OSBPL1A: variants seen among roughly 807,000 people sequenced by gnomAD.
The protein encoded by OSBPL1A is oxysterol-binding protein-related protein 1.
A neutral mutation model predicts 137.1 loss-of-function variants in OSBPL1A; 80 were observed. That is an observed-to-expected ratio of 0.58 (90% confidence interval 0.49 to 0.70). The LOEUF is 0.70. Ranked by LOEUF, OSBPL1A falls within the 30% of genes least tolerant of loss-of-function variation. The pLI is 0.00. For synonymous variants in OSBPL1A, 365 were observed against 389.7 expected (o/e 0.94, Z 0.75); for missense variants, 970 against 1,129.4 (o/e 0.86, Z 2.02).
At chr18:24,184,157 A>G (rs1397332236) in intron 18 of OSBPL1A, among the ~76,000 whole-genome samples, 1 of 152,194 alleles carries the variant, frequency 6.6e-6, no homozygotes, top group African/African-American at 2.4e-5. Flanking sequence ...GATTTCAAGT[A>G]GATTTCTCTA....
At position 24,182,147 on chromosome 18, in the gene OSBPL1A, G is replaced by A. The variant is rs142506827; in HGVS notation, c.1678-868C>T. On this transcript the variant is annotated intron_variant, in intron 18 of 27. Transcript: ENST00000319481. ...GCACACCAATCTAGTATAAATTATG[G>A]TCTAGGGTACTAGCAGGCTACTGCA... Among the ~76,000 whole-genome samples, 24 of 152,218 alleles carry A rather than the reference G, an allele frequency of 1.6e-4. No homozygotes were observed. In the East Asian group the frequency reaches 4.4e-3, roughly 28 times the overall value.
intron 18 of OSBPL1A, among the ~76,000 whole-genome samples, chr18:24,193,412 C>T (rs780797530): frequency 6.7e-6 from 1 of 149,654 alleles, no homozygotes; most frequent in Admixed American, 6.7e-5. Context: ...CACTTGAACC[C>T]GGGAGGTGGA....
At chr18:24,308,777 T>C (rs1317388075) in intron 13 of OSBPL1A, among the ~76,000 whole-genome samples, 3 of 151,992 alleles carry the variant, frequency 2.0e-5, no homozygotes, top group African/African-American at 7.2e-5. Flanking sequence ...ACTGAATTTT[T>C]TTTTTTGAGT....
intron 17 of OSBPL1A, among the ~76,000 whole-genome samples, chr18:24,201,900 ACT>A (rs2087232632): frequency 6.6e-6 from 1 of 152,140 alleles, no homozygotes; most frequent in South Asian, 2.1e-4. Flanking sequence ...TAGGCTAGAC[ACT>A]CAACACTGTT....
At chr18:24,366,019 A>C (rs2091697417) in intron 4 of OSBPL1A, among the ~76,000 whole-genome samples, 1 of 151,958 alleles carries the variant, frequency 6.6e-6, no homozygotes, top group South Asian at 2.1e-4. Context: ...ACTTCTCCCC[A>C]CCCCTCAGAC....
chr18:24,396,564 C>G (rs762550397), intron 1 of OSBPL1A, among the ~76,000 whole-genome samples: 2 of 152,098 alleles, frequency 1.3e-5, no homozygotes, highest in Non-Finnish European at 2.9e-5. Flanking sequence ...TGACAGTTTT[C>G]TCCTCTTTTC....
intron 17 of OSBPL1A, among the ~76,000 whole-genome samples, chr18:24,203,962 C>A (rs2087294699): frequency 1.3e-5 from 2 of 152,192 alleles, no homozygotes; most frequent in Admixed American, 6.5e-5. Context: ...CCATTTCATT[C>A]TTTTGCCAAA....
At chr18:24,272,128 G>A (rs1201036286) in intron 15 of OSBPL1A, 2 of 983,838 alleles carry the variant, frequency 2.0e-6, no homozygotes, top group South Asian at 4.7e-5. Context: ...TCCGAGGAGA[G>A]GTCGGGGACT....
chr18:24,253,235 C>T (rs912237583), intron 15 of OSBPL1A, among the ~76,000 whole-genome samples: 6 of 145,910 alleles, frequency 4.1e-5, no homozygotes, highest in Non-Finnish European at 9.0e-5. Context: ...AAATGCATTT[C>T]ACCTACAAAG....
intron 18 of OSBPL1A, among the ~76,000 whole-genome samples, chr18:24,185,066 A>G (rs889531639): frequency 4.6e-5 from 7 of 152,262 alleles, no homozygotes; most frequent in African/African-American, 1.4e-4. Flanking sequence ...ACTAAGGGAA[A>G]AAAAGTCGAT....
At chr18:24,175,533 G>T (rs1193046286) in intron 21 of OSBPL1A, among the ~76,000 whole-genome samples, 2 of 151,910 alleles carry the variant, frequency 1.3e-5, no homozygotes, top group Non-Finnish European at 2.9e-5. Flanking sequence ...TATATATTGT[G>T]GCTACAAGTC....
At chr18:24,262,487 T>C (rs1169877127) in intron 15 of OSBPL1A, among the ~76,000 whole-genome samples, 1 of 152,208 alleles carries the variant, frequency 6.6e-6, no homozygotes, top group Non-Finnish European at 1.5e-5. Flanking sequence ...TTTCAGAAGT[T>C]ATTCAGGGGC....
intron 15 of OSBPL1A, among the ~76,000 whole-genome samples, chr18:24,239,693 CA>C (rs1348472740): frequency 1.3e-5 from 2 of 151,982 alleles, no homozygotes; most frequent in Non-Finnish European, 2.9e-5. Flanking sequence ...TCTTTTTAAA[CA>C]TAAAGAATAT....
chr18:24,220,776 A>C (rs547108518), intron 17 of OSBPL1A, among the ~76,000 whole-genome samples: 1 of 151,672 alleles, frequency 6.6e-6, no homozygotes. Context: ...AGCCCAGATC[A>C]TCTATCCCGT....
chr18:24,185,676 G>A (rs141639823), intron 18 of OSBPL1A, among the ~76,000 whole-genome samples: 25 of 152,274 alleles, frequency 1.6e-4, no homozygotes, highest in African/African-American at 6.0e-4. Flanking sequence ...CAATAGGGAG[G>A]CTATGCACGT....
Position 24,167,370 on chromosome 18 carries a change from G to A in OSBPL1A, c.2494C>T (p.Leu832Phe). Residue 832 changes from leucine (L) to phenylalanine (F), a missense_variant, in exon 25 of 28, where the codon CTT (leucine) becomes TTT (phenylalanine). By Grantham distance (22) the Leu-to-Phe change is conservative. Around this residue, in one of 2 missense-constraint regions of OSBPL1A, gnomAD observed 323 missense variants for 456.8 expected, o/e 0.71. Transcript: ENST00000319481. ...GGCCGTGGGGCTATTCGCCATAGAA[G>A]AACGCTTCCAGGGATAATGAATACA... ...ESVFIIPGSVLLWRIAPRPPN... is the reference protein window; with the variant it reads ...ESVFIIPGSVFLWRIAPRPPN... The A allele has an allele frequency of 6.2e-7, 1 of 1,614,238 alleles. No individual in the cohort carries two copies. The highest frequency in any genetic ancestry group is 8.5e-7 in the Non-Finnish European group (1 of 1,180,046).
intron 16 of OSBPL1A, among the ~76,000 whole-genome samples, chr18:24,238,576 CTATAAT>C (rs2146007190): frequency 6.6e-6 from 1 of 152,336 alleles, no homozygotes; most frequent in East Asian, 1.9e-4. Context: ...GAAATGGACA[CTATAAT>C]TATCCCATTT....
chr18:24,196,792 T>C (rs1291810286), intron 17 of OSBPL1A, among the ~76,000 whole-genome samples: 3 of 152,198 alleles, frequency 2.0e-5, no homozygotes, highest in African/African-American at 7.2e-5. Context: ...TAACAAAATT[T>C]AGCAATTCTG....
At chr18:24,249,212 C>T (rs907377543) in intron 15 of OSBPL1A, among the ~76,000 whole-genome samples, 1 of 152,202 alleles carries the variant, frequency 6.6e-6, no homozygotes, top group African/African-American at 2.4e-5. Context: ...ATCCAGAAGT[C>T]GCACTTAGAG....
Sources: gnomAD v4.1 joint callset for allele counts (sites outside exome capture counted in the v4.1 genomes callset) on GRCh38, gnomAD v4.1.1 for gene constraint, gnomAD v4.1.1 regional missense constraint, MANE v1.5 for transcripts, NCBI Gene and HGNC (gene_info 2026-07-23, HGNC 2026-07-21) for gene names.